KANK1: variants seen among roughly 807,000 people sequenced by gnomAD.
KANK1 encodes the protein KN motif and ankyrin repeat domains 1, also known as KN motif and ankyrin repeat domain-containing protein 1.
KANK1 carries 109 observed loss-of-function variants against 106.2 expected under a neutral mutation model. The ratio of observed to expected loss-of-function variants is 1.03; its 90% CI spans 0.88 to 1.20. The LOEUF is 1.20. Ranked by LOEUF, KANK1 falls within the 50% of genes most tolerant of loss-of-function variation. The pLI is 0.00. For missense variants in KANK1, 2,399 were observed against 1,710.7 expected, an observed-to-expected ratio of 1.40 and a Z score of -7.10; for synonymous variants, 873 against 652.2, an observed-to-expected ratio of 1.34 and a Z score of -5.16.
chr9:565,998 C>T (rs1285740612), intron 1 of KANK1, among the ~76,000 whole-genome samples: 2 of 152,152 alleles, frequency 1.3e-5, no homozygotes, highest in South Asian at 2.1e-4. Flanking sequence ...TATTTTTCTT[C>T]ACCCTCTGCT....
chr9:540,809 A>G (rs1255229718), intron 1 of KANK1: 2 of 152,148 alleles, frequency 1.3e-5, no homozygotes, highest in African/African-American at 4.8e-5. Flanking sequence ...GTTGGCATAT[A>G]TTTGTCTATA....
rs34448823 is a variant in KANK1 at position 529,254 on chromosome 9, CAT to C, written c.-84+24504_-84+24505del. Among the ~76,000 whole-genome samples, 1,265 of 150,622 alleles carry C rather than the reference CAT, an allele frequency of 8.4e-3. 19 individuals carry two copies. Among genetic ancestry groups the C allele is most frequent in the African/African-American group, 0.028 (1,136 of 40,796 alleles). On this transcript the variant is annotated intron_variant, in intron 1 of 11. Transcript: ENST00000382297. ...ATATATACACACACACACACACACA[CAT>C]ATACACACACACACAGACACACACA...
At chr9:733,440 A>T (rs553549716) in intron 6 of KANK1, 1 of 152,220 alleles carries the variant, frequency 6.6e-6, no homozygotes, top group Admixed American at 6.5e-5. Context: ...TATATACCAT[A>T]TGTCATTTTT....
intron 1 of KANK1, among the ~76,000 whole-genome samples, chr9:589,526 G>C (rs1204687774): frequency 6.6e-6 from 1 of 151,996 alleles, no homozygotes; most frequent in Non-Finnish European, 1.5e-5. Flanking sequence ...AGAGAGGTGG[G>C]GAAGGAGTCA....
intron 1 of KANK1, among the ~76,000 whole-genome samples, chr9:569,030 G>C (rs574474293): frequency 1.3e-5 from 2 of 152,128 alleles, no homozygotes; most frequent in Non-Finnish European, 2.9e-5. Context: ...CCCACCTGTA[G>C]AGGTTCAGCT....
At chr9:662,359 G>A (rs557521897) in intron 1 of KANK1, among the ~76,000 whole-genome samples, 176 of 152,200 alleles carry the variant, frequency 1.2e-3, no homozygotes, top group African/African-American at 4.1e-3. Context: ...AAAAGAGCCC[G>A]CATTGCCAAG....
intron 1 of KANK1, among the ~76,000 whole-genome samples, chr9:544,074 G>GC (rs1191153300): frequency 6.6e-6 from 1 of 151,850 alleles, no homozygotes; most frequent in African/African-American, 2.4e-5. Flanking sequence ...AGGCTGGAGT[G>GC]CAGTGGCATG....
intron 1 of KANK1, among the ~76,000 whole-genome samples, chr9:573,194 G>T (rs1206207462): frequency 6.6e-6 from 1 of 152,206 alleles, no homozygotes; most frequent in Non-Finnish European, 1.5e-5. Context: ...ATTTGTAAAT[G>T]TGGAGGAGCT....
At chr9:530,440 A>C (rs140295559) in intron 1 of KANK1, among the ~76,000 whole-genome samples, 7 of 152,112 alleles carry the variant, frequency 4.6e-5, no homozygotes, top group Non-Finnish European at 8.8e-5. Flanking sequence ...CCAGATGGCT[A>C]CTGGTTTTCC....
chr9:628,018 G>A (rs974962901), intron 1 of KANK1, among the ~76,000 whole-genome samples: 1 of 152,078 alleles, frequency 6.6e-6, no homozygotes, highest in Admixed American at 6.5e-5. Flanking sequence ...AGAATAACAA[G>A]TATAATTTTA....
At chr9:684,625 G>A (rs1421229124) in intron 2 of KANK1, 1 of 975,150 alleles carries the variant, frequency 1.0e-6, no homozygotes, top group Admixed American at 6.2e-5. Flanking sequence ...TTTCTTGAAT[G>A]AGTTGGGTGG....
chr9:610,417 T>C (rs1427843458), intron 1 of KANK1, among the ~76,000 whole-genome samples: 1 of 152,180 alleles, frequency 6.6e-6, no homozygotes, highest in East Asian at 1.9e-4. Flanking sequence ...ATGGAAGTGA[T>C]AATGGTGTAC....
At chr9:678,073 C>T (rs908548572) in intron 2 of KANK1, among the ~76,000 whole-genome samples, 3 of 152,134 alleles carry the variant, frequency 2.0e-5, no homozygotes, top group Non-Finnish European at 4.4e-5. Context: ...TTTATTCTAG[C>T]GGTCTCAGCT....
At chr9:515,294 G>T (rs549469263) in intron 1 of KANK1, among the ~76,000 whole-genome samples, 146 of 149,992 alleles carry the variant, frequency 9.7e-4, no homozygotes, top group Non-Finnish European at 1.7e-3. Flanking sequence ...GCAGTGAGCC[G>T]AGATCGTGCC....
At chr9:612,887 C>G (rs1031344012) in intron 1 of KANK1, among the ~76,000 whole-genome samples, 4 of 152,136 alleles carry the variant, frequency 2.6e-5, no homozygotes, top group Admixed American at 6.5e-5. Context: ...ACACAAATCA[C>G]CTTTGCCTGT....
chr9:539,152 A>T (rs189250829), intron 1 of KANK1, among the ~76,000 whole-genome samples: 49 of 152,254 alleles, frequency 3.2e-4, no homozygotes, highest in African/African-American at 1.1e-3. Context: ...AAGTGCTGGG[A>T]TTATAGGCAT....
At chr9:668,682 T>C (rs191578923) in intron 1 of KANK1, among the ~76,000 whole-genome samples, 1 of 152,272 alleles carries the variant, frequency 6.6e-6, no homozygotes, top group East Asian at 1.9e-4. Context: ...AGAAAACATC[T>C]TATAGATAAA....
intron 1 of KANK1, among the ~76,000 whole-genome samples, chr9:533,584 A>G (rs934951662): frequency 2.6e-5 from 4 of 152,190 alleles, no homozygotes; most frequent in Admixed American, 6.5e-5. Context: ...TGAATCCTGA[A>G]TAGTTTTTAC....
intron 11 of KANK1, chr9:744,957 G>A: frequency 1.4e-6 from 2 of 1,458,396 alleles, no homozygotes; most frequent in South Asian, 1.4e-5. Context: ...CACTCTGAGT[G>A]GGAAGGTGAC....
Sources: allele counts gnomAD v4.1 joint callset (sites outside exome capture counted in the v4.1 genomes callset), GRCh38; gene constraint gnomAD v4.1.1; transcripts MANE v1.5; gene names NCBI Gene and HGNC (gene_info 2026-07-23, HGNC 2026-07-21).